Variants in SLC25A23 observed in about 807,000 individuals in gnomAD.
SLC25A23 encodes the protein solute carrier family 25 member 23, also known as mitochondrial adenyl nucleotide antiporter SLC25A23.
A neutral mutation model predicts 53.9 loss-of-function variants in SLC25A23; 32 were observed. The ratio of observed to expected loss-of-function variants is 0.59; its 90% CI spans 0.45 to 0.80. The LOEUF (loss-of-function observed/expected upper bound fraction) is 0.80, where lower values mean the gene tolerates loss of function less well. Among genes scored for constraint, SLC25A23 ranks in the 30% least tolerant of loss-of-function variants. The probability of loss-of-function intolerance (pLI) is 0.00; values close to 1 mark genes in which losing one functional copy is unlikely to be tolerated. For synonymous variants in SLC25A23, 275 were observed against 264.5 expected, an observed-to-expected ratio of 1.04 and a Z score of -0.38; for missense variants, 575 against 651.4, an observed-to-expected ratio of 0.88 and a Z score of 1.28.
Position 6,454,354 on chromosome 19 carries a change from T to A in SLC25A23, c.764A>T (p.Glu255Val). Residue 255 changes from glutamate (E) to valine (V), a missense_variant, in exon 6 of 10, where the codon GAG (glutamate) becomes GTG (valine). By Grantham distance (121) the Glu-to-Val change is moderately radical (BLOSUM62 -2). Transcript: ENST00000301454. The surrounding 1 kb of genome is among the most constrained non-coding windows in gnomAD (Gnocchi z 4.3). ...NGINVLKIAP[E>V]SAIKFMAYEQ... ...ATAGGCCATGAACTTGATAGCTGAC[T>A]CGGGGGCAATCTTGAGTACATTAAT... 1 of 1,614,146 alleles carries A rather than the reference T, an allele frequency of 6.2e-7. No individual in the cohort carries two copies. Among genetic ancestry groups the A allele is most frequent in the Non-Finnish European group, 8.5e-7 (1 of 1,180,002 alleles).
intron 9 of SLC25A23, 147 bp downstream of exon 9, chr19:6,444,004 T>A: frequency 1.2e-6 from 1 of 816,452 alleles, no homozygotes; most frequent in Non-Finnish European, 1.8e-6. Flanking sequence ...AGTAAAGGAC[T>A]CCCATTTCAA....
At chr19:6,444,084 T>C (rs961194101) in intron 9 of SLC25A23, 67 bp downstream of exon 9, 1 of 1,448,124 alleles carries the variant, frequency 6.9e-7, no homozygotes. Flanking sequence ...CCCAGGGCTC[T>C]ACTTGGGAGA....
chr19:6,455,922 T>C (rs1329329916), intron 4 of SLC25A23: 12 of 851,196 alleles, frequency 1.4e-5, no homozygotes, highest in Middle Eastern at 7.6e-4. Context: ...GGTTTCACCA[T>C]GTTAGCCAGG....
At chr19:6,448,125 C>T (rs1016966383) in intron 8 of SLC25A23, among the ~76,000 whole-genome samples, 1 of 152,220 alleles carries the variant, frequency 6.6e-6, no homozygotes, top group Non-Finnish European at 1.5e-5. Context: ...CTGAAGCCTT[C>T]TGCCAAGGTG....
chr19:6,457,605 G>T lies in SLC25A23; in HGVS notation c.284-15C>A. 6.2e-7 allele frequency: 1 copy of T among 1,611,908 alleles called. No individual in the cohort carries two copies. The highest frequency in any genetic ancestry group is 8.5e-7 in the Non-Finnish European group (1 of 1,178,326). On this transcript the variant is annotated splice_polypyrimidine_tract_variant and intron_variant, in intron 2 of 9. Transcript: ENST00000301454. ...ATCAATGTGACCTGGGGAGGGGGCC[G>T]GAGGTGGGGAAGGATGTGCGTGTGA...
At chr19:6,458,080 CG>C in intron 2 of SLC25A23, 117 bp downstream of exon 2, 1 of 1,323,088 alleles carries the variant, frequency 7.6e-7, no homozygotes, top group Non-Finnish European at 1.0e-6. Context: ...TATGAGTCAT[CG>C]GGGAGAAGCG....
At position 6,456,410 on chromosome 19, in the gene SLC25A23, C is replaced by T; in HGVS notation, c.483+10G>A. 1.2e-6 allele frequency: 2 copies of T among 1,613,172 alleles called. No homozygotes were observed. Among genetic ancestry groups the T allele is most frequent in the South Asian group, 2.2e-5 (2 of 91,060 alleles). ...CAGCCTTCAGCTGGGGAAAGCCACC[C>T]CCACCTCACCGTGGAATGCTTCCAG... On this transcript the variant is annotated intron_variant, in intron 4 of 9. Coordinates refer to ENST00000301454, the MANE Select transcript of SLC25A23 (RefSeq NM_024103.3).
Position 6,441,958 on chromosome 19 carries a change from G to A in SLC25A23, c.*17C>T, listed in dbSNP as rs7257974. 7.7e-4 allele frequency: 1,240 copies of A among 1,611,322 alleles called. 16 individuals are homozygous for A. In the African/African-American group the frequency reaches 0.015, roughly 19 times the overall value. ...GGTGTGGGGGGTGAGGGATTGGGGG[G>A]ACGGGCTCCGGGTCCCTCACCTGGA... is the stretch of plus-strand genomic sequence containing the variant. On this transcript the variant is annotated 3_prime_UTR_variant, in exon 10 of 10. Transcript: ENST00000301454.
intron 7 of SLC25A23, chr19:6,452,744 G>T: frequency 2.7e-6 from 1 of 373,816 alleles, no homozygotes; most frequent in Non-Finnish European, 4.8e-6. Context: ...TGTAGAGATG[G>T]GGACTCGCTA....
At chr19:6,442,182 C>A in intron 9 of SLC25A23, 23 bp from the exon 10 acceptor site, 1 of 1,459,588 alleles carries the variant, frequency 6.9e-7, no homozygotes, top group East Asian at 2.4e-5. Context: ...GGGGGGGGCA[C>A]CAGGTAAGGC....
Position 6,454,437 on chromosome 19 carries a change from C to G in SLC25A23, c.681G>C (p.Gly227=). Residue 227 remains glycine, a synonymous_variant, in exon 6 of 10, where the codon GGG becomes GGC. Coordinates refer to ENST00000301454, the MANE Select transcript of SLC25A23 (RefSeq NM_024103.3). This position sits in a 1 kb window ranked among gnomAD's most constrained non-coding sequence, Gnocchi z 4.3. ...ASKTNRLNIL[G]GLRSMVLEGG... ...CCTCAAGGACCATGCTTCGAAGCCC[C>G]CCAAGGATGTTCAGCCGGTTGGTCT... 6.2e-7 allele frequency: 1 copy of G among 1,614,164 alleles called. No individual in the cohort carries two copies. Among genetic ancestry groups the G allele is most frequent in the Non-Finnish European group, 8.5e-7 (1 of 1,180,030 alleles).
rs556615888 is a variant in SLC25A23 at position 6,453,492 on chromosome 19, G to A, written c.903+489C>T. Among the ~76,000 whole-genome samples the A allele has an allele frequency of 7.2e-5, 11 of 152,002 alleles. No homozygotes were observed. The East Asian group carries it at 9.7e-4, about 13-fold the overall frequency. ...TGACCTCAGGTGATCCACCTGCCTC[G>A]GCCTCCCAAAGTGCTGGGATTACAG... On this transcript the variant is annotated intron_variant, in intron 7 of 9. Transcript: ENST00000301454.
intron 8 of SLC25A23, 112 bp from the exon 9 acceptor site, chr19:6,444,413 T>A (rs557791269): frequency 1.7e-6 from 2 of 1,191,176 alleles, no homozygotes; most frequent in African/African-American, 3.0e-5. Flanking sequence ...AGCTGAGCAC[T>A]TGGTACCTCC....
chr19:6,444,241 C>A lies in SLC25A23; in HGVS notation c.1132G>T (p.Val378Leu). ...GATATGGTACCGCAGGCCAGGAGCA[C>A]GAGGATGCCTGGGTCTGCCGAGTCG... is the stretch of plus-strand genomic sequence containing the variant. ...SHDSADPGIL[V>L]LLACGTISST... The change falls in exon 9 of 10, where the codon GTG becomes TTG. Residue 378 changes from valine (V) to leucine (L), a missense_variant. Transcript: ENST00000301454. The A allele has an allele frequency of 6.2e-7, 1 of 1,603,814 alleles. No homozygotes were observed. Among genetic ancestry groups the A allele is most frequent in the Non-Finnish European group, 8.5e-7 (1 of 1,175,896 alleles).
Position 6,458,249 on chromosome 19 carries a change from G to T in SLC25A23, c.232C>A (p.Arg78=), listed in dbSNP as rs752439689. 1.2e-6 allele frequency: 2 copies of T among 1,613,570 alleles called. No homozygotes were observed. Among genetic ancestry groups the T allele is most frequent in the South Asian group, 2.2e-5 (2 of 91,076 alleles). Residue 78 remains arginine (R), a synonymous_variant, in exon 2 of 10, where the codon CGG becomes AGG. Transcript: ENST00000301454. ...AACATGAGCAGCAGACGCTGTTCCC[G>T]CTCCTGCAGATAGCGGGAAAATTCC... The part of the protein sequence containing the change: ...LEEFSRYLQE[R]EQRLLLMFHS...
intron 8 of SLC25A23, among the ~76,000 whole-genome samples, chr19:6,447,096 A>C: frequency 6.6e-6 from 1 of 152,102 alleles, no homozygotes; most frequent in South Asian, 2.1e-4. Context: ...TTGATTTTGC[A>C]CTTCTGGCCT....
chr19:6,439,490 T>C (rs916588862), downstream of SLC25A23, among the ~76,000 whole-genome samples: 3 of 151,044 alleles, frequency 2.0e-5, no homozygotes, highest in Admixed American at 6.6e-5. Context: ...CTGGCAGCCC[T>C]AGGAAAAGGA....
rs987220453 is a variant in SLC25A23, at chr19:6,441,543, G to A, written c.*432C>T. The A allele has an allele frequency of 2.0e-5, 4 of 197,766 alleles. No homozygotes were observed. Among genetic ancestry groups the A allele is most frequent in the South Asian group, 7.5e-5 (1 of 13,306 alleles). The allele number at this position is 197,766 out of a possible 1,614,324, so 12.3% of individuals were successfully genotyped here. Reference sequence around the variant, plus strand: ...TTGTGTGGGATCCAGTGGTTAAGACGTAGAGGTCCAGGATCCAGTAGGGGG... The same window carrying A: ...TTGTGTGGGATCCAGTGGTTAAGACATAGAGGTCCAGGATCCAGTAGGGGG... On this transcript the variant is annotated 3_prime_UTR_variant, in exon 10 of 10. Coordinates refer to ENST00000301454, the MANE Select transcript of SLC25A23 (RefSeq NM_024103.3).
Position 6,444,148 on chromosome 19 carries a change from C to T in SLC25A23, c.1222+3G>A, listed in dbSNP as rs1392441291. On this transcript the variant is annotated splice_donor_region_variant and intron_variant, in intron 9 of 9. Coordinates refer to ENST00000301454, the MANE Select transcript of SLC25A23 (RefSeq NM_024103.3). ...CTGCCCCATCCTCCCGCCCAGGCCT[C>T]ACCTTGTGCCTGCATGCGGGTCCGG... 14 of 1,571,400 alleles carry T rather than the reference C, an allele frequency of 8.9e-6. No homozygotes were observed. The highest frequency in any genetic ancestry group is 1.1e-5 in the Non-Finnish European group (13 of 1,154,848).
Sources: gnomAD v4.1 joint callset for allele counts (sites outside exome capture counted in the v4.1 genomes callset) on GRCh38, gnomAD v4.1.1 for gene constraint, Gnocchi (gnomAD v3.1) non-coding constraint, MANE v1.5 for transcripts, NCBI Gene and HGNC (gene_info 2026-07-23, HGNC 2026-07-21) for gene names.